Variants in B9D1 observed in about 807,000 individuals in gnomAD.
The protein encoded by B9D1 is B9 domain containing 1.
Under a neutral mutation model 26.1 loss-of-function variants are expected in B9D1, and 20 were observed. The ratio of observed to expected loss-of-function variants is 0.77; its 90% CI spans 0.54 to 1.12. B9D1 has a LOEUF of 1.12. B9D1 is among the 50% of genes most tolerant of loss of function. The pLI is 0.00. For missense variants in B9D1, 260 were observed against 273.7 expected (o/e 0.95, Z 0.35); for synonymous variants, 105 against 103.1 (o/e 1.02, Z -0.11).
chr17:19,357,689 C>CA (rs891635118), intron 3 of B9D1, 151 bp downstream of exon 3: 1 of 697,928 alleles, frequency 1.4e-6, no homozygotes, highest in African/African-American at 1.8e-5. Context: ...GGGAAAGGGA[C>CA]AGATGGCGAG....
chr17:19,350,044 G>A (rs1025118094), intron 3 of B9D1, among the ~76,000 whole-genome samples: 22 of 151,792 alleles, frequency 1.4e-4, no homozygotes, highest in African/African-American at 4.8e-4. Context: ...CCCGGGAGGC[G>A]GAGCTTGCAG....
intron 1 of B9D1, among the ~76,000 whole-genome samples, chr17:19,375,899 G>C (rs1197530349): frequency 6.6e-6 from 1 of 152,156 alleles, no homozygotes; most frequent in African/African-American, 2.4e-5. Flanking sequence ...CCACTCCCAA[G>C]AGAAAGGAAA....
upstream of B9D1, among the ~76,000 whole-genome samples, chr17:19,364,141 G>C (rs1911448232): frequency 2.0e-5 from 3 of 152,226 alleles, no homozygotes; most frequent in Non-Finnish European, 2.9e-5. This position sits in a 1 kb window ranked among gnomAD's most constrained non-coding sequence, Gnocchi z 4.3. Context: ...AATGCTTGTA[G>C]TTATCGAATA....
At chr17:19,340,103 A>G (rs1907797121), downstream of B9D1, among the ~76,000 whole-genome samples, 1 of 141,018 alleles carries the variant, frequency 7.1e-6, no homozygotes, top group African/African-American at 2.7e-5. Context: ...ATCATCTCTT[A>G]CCTTGACTGG....
intron 1 of B9D1, among the ~76,000 whole-genome samples, chr17:19,377,238 A>G (rs910926522): frequency 2.0e-5 from 3 of 152,242 alleles, no homozygotes; most frequent in African/African-American, 7.2e-5. Context: ...TACTTGGTTC[A>G]CATAGGTTTC....
intron 2 of B9D1, among the ~76,000 whole-genome samples, chr17:19,358,789 G>A (rs1382655308): frequency 2.6e-5 from 4 of 152,078 alleles, no homozygotes; most frequent in African/African-American, 7.2e-5. Context: ...TCTAGATGTC[G>A]ATGATTCCCA....
chr17:19,374,930 G>C (rs935768536), intron 1 of B9D1, among the ~76,000 whole-genome samples: 3 of 152,164 alleles, frequency 2.0e-5, no homozygotes, highest in Non-Finnish European at 4.4e-5. Context: ...TCTGATAAGG[G>C]ACTTTTGTTT....
At chr17:19,345,134 C>G (rs1598051103) in intron 5 of B9D1, among the ~76,000 whole-genome samples, 2 of 152,158 alleles carry the variant, frequency 1.3e-5, no homozygotes, top group South Asian at 4.2e-4. Flanking sequence ...GGAGACAAGA[C>G]AGGCTGTTCT....
upstream of B9D1, chr17:19,363,141 C>T (rs1911355385): frequency 6.2e-6 from 1 of 161,806 alleles, no homozygotes; most frequent in Non-Finnish European, 1.4e-5. Context: ...GGAGGAGCCT[C>T]CCCAGCTGGG....
At chr17:19,340,415 C>T (rs542496515), downstream of B9D1, among the ~76,000 whole-genome samples, 3 of 147,972 alleles carry the variant, frequency 2.0e-5, no homozygotes, top group Non-Finnish European at 3.0e-5. Flanking sequence ...TCAGGTGATC[C>T]GCCTGCATCA....
rs1216311283 is a variant in B9D1 at position 19,376,545 on chromosome 17, AG to A, written c.-298+1313del. Among the ~76,000 whole-genome samples the A allele has an allele frequency of 3.0e-5, 4 of 133,596 alleles. No homozygotes were observed. In the South Asian group the frequency reaches 9.8e-4, roughly 33 times the overall value. 87.6% of individuals were successfully genotyped at this position (133,596 alleles called of 152,430 possible). A position where few individuals can be genotyped will look rare whatever the true frequency, so the allele number is the denominator to read the frequency against. On this transcript the variant is annotated intron_variant, in intron 1 of 5. Transcript: ENST00000477478. The stretch of plus-strand genomic sequence containing the variant: ...CCCAGCACTTTGGGAGGCCGGGAGC[AG>A]GGGGGCGTGGATGACTTGAGGTCAG...
downstream of B9D1, chr17:19,335,387 T>C: frequency 6.5e-7 from 1 of 1,547,518 alleles, no homozygotes; most frequent in African/African-American, 1.4e-5. Context: ...ATCAACTAAT[T>C]CCTTTTTTTT....
intron 1 of B9D1, among the ~76,000 whole-genome samples, chr17:19,375,298 A>T (rs905750584): frequency 2.0e-5 from 3 of 152,086 alleles, no homozygotes; most frequent in Non-Finnish European, 4.4e-5. Flanking sequence ...AAAAAGAAAA[A>T]AAAAAAAGGT....
chr17:19,353,862 C>T (rs1039805), intron 3 of B9D1, among the ~76,000 whole-genome samples: 146,183 of 152,252 alleles, frequency 0.96, 70,576 homozygotes, highest in African/African-American at 0.99. Flanking sequence ...ATCGGTTGAA[C>T]TCAGGAGCAG....
At chr17:19,362,364 T>A in intron 1 of B9D1, 143 bp downstream of exon 1, 1 of 626,736 alleles carries the variant, frequency 1.6e-6, no homozygotes, top group Non-Finnish European at 2.7e-6. Flanking sequence ...AGCTCTCCAA[T>A]GCTGGCTCCC....
chr17:19,344,165 C>G (rs1252532226), intron 5 of B9D1, among the ~76,000 whole-genome samples: 2 of 152,122 alleles, frequency 1.3e-5, no homozygotes, highest in Admixed American at 1.3e-4. Context: ...AATGAGAGCT[C>G]AGGAAGATTC....
intron 1 of B9D1, among the ~76,000 whole-genome samples, chr17:19,361,506 G>T (rs920547499): frequency 6.6e-6 from 1 of 152,084 alleles, no homozygotes; most frequent in Non-Finnish European, 1.5e-5. Context: ...TGTGGCGGGG[G>T]GGTCGCTGAT....
chr17:19,346,903 C>T (rs1908880882), intron 5 of B9D1: 1 of 1,434,104 alleles, frequency 7.0e-7, no homozygotes. Flanking sequence ...CATGTAAAGG[C>T]ATTTATCATG....
chr17:19,343,219 C>A lies in B9D1; in HGVS notation c.*100G>T. ...ATTATACAAAACTATTCTGTGTGCC[C>A]CCAGCTCTGGCCACCAGGCTGCCCC... On this transcript the variant is annotated 3_prime_UTR_variant, in exon 7 of 7. Coordinates refer to ENST00000261499, the MANE Select transcript of B9D1 (RefSeq NM_015681.6). 6.3e-7 allele frequency: 1 copy of A among 1,586,896 alleles called. No homozygotes were observed. Among genetic ancestry groups the A allele is most frequent in the East Asian group, 2.2e-5 (1 of 44,458 alleles).
Sources: allele counts gnomAD v4.1 joint callset (sites outside exome capture counted in the v4.1 genomes callset), GRCh38; gene constraint gnomAD v4.1.1; non-coding constraint Gnocchi (gnomAD v3.1); transcripts MANE v1.5; gene names NCBI Gene and HGNC (gene_info 2026-07-23, HGNC 2026-07-21).